SYN3: variants seen among roughly 807,000 people sequenced by gnomAD.
SYN3 encodes synapsin III.
A neutral mutation model predicts 65.8 loss-of-function variants in SYN3; 35 were observed. That is an observed-to-expected ratio of 0.53 (90% CI 0.41 to 0.70). SYN3 has a LOEUF of 0.70. Ranked by LOEUF, SYN3 falls within the 30% of genes least tolerant of loss-of-function variation. The pLI is 0.00. For synonymous variants in SYN3, 270 were observed against 292.9 expected, an observed-to-expected ratio of 0.92 and a Z score of 0.80; for missense variants, 680 against 749.0, an observed-to-expected ratio of 0.91 and a Z score of 1.08.
Position 32,875,747 on chromosome 22 carries a change from C to T in SYN3, c.462-6622G>A, listed in dbSNP as rs189796779. 3.9e-5 allele frequency among the ~76,000 whole-genome samples: 6 copies of T among 152,210 alleles called. No individual in the cohort carries two copies. The East Asian group carries it at 1.2e-3, about 29-fold the overall frequency. On this transcript the variant is annotated intron_variant, in intron 4 of 13. Transcript: ENST00000358763. ...GGGAATTTCAAGGATTGCTGGTGAC[C>T]TTCAGGAACTAGAGAGTGGCAAGGA...
chr22:32,572,387 CTTCCTTCCCTCCCTCCCTCCTGTCT>C (rs2058780103), intron 7 of SYN3, among the ~76,000 whole-genome samples: 1 of 82,698 alleles, frequency 1.2e-5, no homozygotes, highest in Non-Finnish European at 2.3e-5. Flanking sequence ...CCCATCTTTC[CTTCCTTCCCTCCCTCCCTCCTGTCT>C]TTCCTTCCTT....
chr22:32,701,768 G>C (rs555955547), intron 6 of SYN3, among the ~76,000 whole-genome samples: 1 of 152,306 alleles, frequency 6.6e-6, no homozygotes, highest in Admixed American at 6.5e-5. Flanking sequence ...CAGTGCCGCA[G>C]TGAGCTGTGG....
At chr22:32,977,376 A>G (rs963427864) in intron 3 of SYN3, among the ~76,000 whole-genome samples, 1 of 152,040 alleles carries the variant, frequency 6.6e-6, no homozygotes, top group African/African-American at 2.4e-5. Flanking sequence ...ATTTCCACAC[A>G]TGGGATGAGG....
intron 6 of SYN3, among the ~76,000 whole-genome samples, chr22:32,612,148 T>TA (rs1412727820): frequency 6.6e-6 from 1 of 152,212 alleles, no homozygotes; most frequent in East Asian, 1.9e-4. Flanking sequence ...CTGTTCTTTA[T>TA]ATCCTTTCTC....
chr22:32,693,188 G>A (rs1569153569), intron 6 of SYN3, among the ~76,000 whole-genome samples: 1 of 152,094 alleles, frequency 6.6e-6, no homozygotes, highest in Admixed American at 6.6e-5. Flanking sequence ...AAAATAGAAC[G>A]ATTATAATAA....
intron 6 of SYN3, among the ~76,000 whole-genome samples, chr22:32,841,875 T>C (rs1399993850): frequency 6.6e-6 from 1 of 152,030 alleles, no homozygotes; most frequent in Non-Finnish European, 1.5e-5. Context: ...AAAAAGTTCA[T>C]GAGAGTTCTA....
intron 6 of SYN3, among the ~76,000 whole-genome samples, chr22:32,689,856 T>G (rs1049081849): frequency 6.6e-6 from 1 of 152,158 alleles, no homozygotes; most frequent in Admixed American, 6.5e-5. Flanking sequence ...GAGTTTTTCA[T>G]GAATGGGTTC....
chr22:32,765,562 G>A (rs2045600404), intron 6 of SYN3, among the ~76,000 whole-genome samples: 2 of 152,140 alleles, frequency 1.3e-5, no homozygotes, highest in South Asian at 2.1e-4. Context: ...AATGACAGGC[G>A]AGAGGGTGAC....
intron 6 of SYN3, among the ~76,000 whole-genome samples, chr22:32,599,326 T>A (rs2059247877): frequency 9.2e-6 from 1 of 108,584 alleles, no homozygotes; most frequent in Non-Finnish European, 1.6e-5. Flanking sequence ...CTGATGTACT[T>A]TTTTTTTTTT....
chr22:32,517,470 C>T (rs531606485), intron 13 of SYN3, among the ~76,000 whole-genome samples: 15 of 152,050 alleles, frequency 9.9e-5, no homozygotes, highest in Non-Finnish European at 2.1e-4. Flanking sequence ...ATGAGTGATC[C>T]CAGGAAAGTA....
intron 4 of SYN3, among the ~76,000 whole-genome samples, chr22:32,925,905 T>A (rs533540273): frequency 6.7e-6 from 1 of 148,826 alleles, no homozygotes; most frequent in East Asian, 2.0e-4. Context: ...CAATCTGTCA[T>A]CCAGGCTCAC....
At chr22:32,893,851 A>C (rs2049516274) in intron 4 of SYN3, among the ~76,000 whole-genome samples, 1 of 152,078 alleles carries the variant, frequency 6.6e-6, no homozygotes, top group Admixed American at 6.6e-5. Context: ...ACTGTATCAC[A>C]TACATTCCTC....
At chr22:33,009,676 C>A (rs1253500451) in intron 1 of SYN3, among the ~76,000 whole-genome samples, 1 of 150,550 alleles carries the variant, frequency 6.6e-6, no homozygotes, top group Non-Finnish European at 1.5e-5. Flanking sequence ...AAAAATTATA[C>A]TATAGGATGA....
At chr22:32,933,646 G>A (rs1390846266) in intron 3 of SYN3, among the ~76,000 whole-genome samples, 3 of 152,024 alleles carry the variant, frequency 2.0e-5, no homozygotes, top group Admixed American at 2.0e-4. Context: ...CACCATGTTG[G>A]CCAGGCTGGT....
At chr22:32,603,949 C>T (rs1439489541) in intron 6 of SYN3, among the ~76,000 whole-genome samples, 1 of 152,218 alleles carries the variant, frequency 6.6e-6, no homozygotes, top group African/African-American at 2.4e-5. Context: ...CAGATAAGGG[C>T]TTTATTCAAA....
intron 7 of SYN3, among the ~76,000 whole-genome samples, chr22:32,544,425 C>T (rs2058306662): frequency 6.6e-6 from 1 of 152,190 alleles, no homozygotes; most frequent in Admixed American, 6.5e-5. Flanking sequence ...CTTCATTCCC[C>T]ACTTGCCCCT....
intron 4 of SYN3, among the ~76,000 whole-genome samples, chr22:32,898,549 G>A (rs1257049680): frequency 6.6e-6 from 1 of 152,186 alleles, no homozygotes; most frequent in Non-Finnish European, 1.5e-5. Flanking sequence ...CTTAGTAGAG[G>A]GCTTGACACA....
rs1205283055 is a variant in SYN3, at chr22:32,561,623, G to C, written c.775-19910C>G. Among the ~76,000 whole-genome samples, 5 of 152,184 alleles carry C rather than the reference G, an allele frequency of 3.3e-5. No homozygotes were observed. In the East Asian group the frequency reaches 9.6e-4, roughly 29 times the overall value. The stretch of plus-strand genomic sequence containing the variant: ...TCCATGTGGAGGGAACAACATCCCT[G>C]GCCTGTCGGCTGCCTGCCACTCACC... On this transcript the variant is annotated intron_variant, in intron 7 of 13. Transcript: ENST00000358763.
intron 4 of SYN3, among the ~76,000 whole-genome samples, chr22:32,908,225 A>G (rs1401408879): frequency 6.6e-6 from 1 of 151,842 alleles, no homozygotes; most frequent in African/African-American, 2.4e-5. Flanking sequence ...AGCTGGGATT[A>G]TAAGTGCCCA....
Sources: allele counts gnomAD v4.1 joint callset (sites outside exome capture counted in the v4.1 genomes callset), GRCh38; gene constraint gnomAD v4.1.1; transcripts MANE v1.5; gene names NCBI Gene and HGNC (gene_info 2026-07-23, HGNC 2026-07-21).